ATP10A: variants seen among roughly 807,000 people sequenced by gnomAD.
ATP10A encodes phospholipid-transporting ATPase VA.
In ATP10A, 111 loss-of-function variants were observed where a neutral mutation model predicts 147.8. That is an observed-to-expected ratio of 0.75 (90% CI 0.64 to 0.88). The LOEUF is 0.88. ATP10A is among the 40% of genes least tolerant of loss of function. ATP10A has a pLI of 0.00. For synonymous variants in ATP10A, 875 were observed against 841.6 expected, an observed-to-expected ratio of 1.04 and a Z score of -0.69; for missense variants, 1,927 against 1,959.0, an observed-to-expected ratio of 0.98 and a Z score of 0.31.
At chr15:25,690,816 A>T (rs549432380) in intron 15 of ATP10A, among the ~76,000 whole-genome samples, 26 of 152,320 alleles carry the variant, frequency 1.7e-4, no homozygotes, top group Middle Eastern at 3.4e-3. Context: ...AATTTTCTGG[A>T]GGAAGAAAAA....
intron 1 of ATP10A, among the ~76,000 whole-genome samples, chr15:25,791,742 G>A (rs548807969): frequency 3.0e-4 from 46 of 152,226 alleles, no homozygotes; most frequent in Admixed American, 7.2e-4. Context: ...AAACCTGTGA[G>A]AGCATTCATA....
intron 1 of ATP10A, among the ~76,000 whole-genome samples, chr15:25,785,649 C>T (rs1890124139): frequency 6.6e-6 from 1 of 152,192 alleles, no homozygotes; most frequent in South Asian, 2.1e-4. Flanking sequence ...GTTCTACATA[C>T]CCCCAAGACA....
At chr15:25,772,319 T>C (rs959051380) in intron 2 of ATP10A, among the ~76,000 whole-genome samples, 1 of 152,060 alleles carries the variant, frequency 6.6e-6, no homozygotes, top group Non-Finnish European at 1.5e-5. Context: ...CCCTGACGTC[T>C]CTGATGCTTG....
At chr15:25,833,596 G>A (rs1024539345) in intron 1 of ATP10A, among the ~76,000 whole-genome samples, 2 of 152,120 alleles carry the variant, frequency 1.3e-5, no homozygotes, top group South Asian at 2.1e-4. Flanking sequence ...ATTAACATGC[G>A]CCGGGCAGTA....
intron 1 of ATP10A, among the ~76,000 whole-genome samples, chr15:25,845,425 A>G (rs1002885211): frequency 6.6e-6 from 1 of 152,058 alleles, no homozygotes; most frequent in Admixed American, 6.5e-5. Flanking sequence ...ATACACACTG[A>G]GCCTCCCCGG....
chr15:25,765,909 G>C (rs962525560), intron 2 of ATP10A, among the ~76,000 whole-genome samples: 1 of 152,186 alleles, frequency 6.6e-6, no homozygotes, highest in African/African-American at 2.4e-5. Flanking sequence ...CAGTGCAAAG[G>C]ACAGGCCAGA....
intron 2 of ATP10A, among the ~76,000 whole-genome samples, chr15:25,758,903 C>T (rs1028575347): frequency 1.3e-5 from 2 of 152,052 alleles, no homozygotes; most frequent in East Asian, 3.9e-4. Context: ...ATTCTGATCA[C>T]CTGCTCCACC....
At chr15:25,708,875 T>G (rs1311805584) in intron 10 of ATP10A, 1 of 154,176 alleles carries the variant, frequency 6.5e-6, no homozygotes, top group Non-Finnish European at 1.4e-5. Flanking sequence ...AAAAAGGATT[T>G]GTTTGTCTGA....
chr15:25,844,018 G>C (rs1892918402), intron 1 of ATP10A, among the ~76,000 whole-genome samples: 1 of 152,130 alleles, frequency 6.6e-6, no homozygotes, highest in Non-Finnish European at 1.5e-5. Context: ...GGATACCTGT[G>C]TTCAAGACAA....
intron 2 of ATP10A, among the ~76,000 whole-genome samples, chr15:25,762,410 G>A (rs1888808213): frequency 6.6e-6 from 1 of 151,942 alleles, no homozygotes; most frequent in South Asian, 2.1e-4. Flanking sequence ...CCGAGTAGGT[G>A]GGACTACAGG....
intron 2 of ATP10A, among the ~76,000 whole-genome samples, chr15:25,757,592 T>C (rs2140611436): frequency 6.6e-6 from 1 of 152,238 alleles, no homozygotes; most frequent in East Asian, 1.9e-4. Flanking sequence ...GAGCAGTAAA[T>C]AGGAGAGATG....
intron 2 of ATP10A, among the ~76,000 whole-genome samples, chr15:25,773,047 G>A (rs1889418768): frequency 6.6e-6 from 1 of 152,164 alleles, no homozygotes; most frequent in African/African-American, 2.4e-5. Flanking sequence ...ATGTCAGGAA[G>A]CCCAGTTTCA....
At chr15:25,813,018 C>T (rs28432183) in intron 1 of ATP10A, among the ~76,000 whole-genome samples, 22,906 of 152,170 alleles carry the variant, frequency 0.15, 2,067 homozygotes, top group African/African-American at 0.26. Context: ...AGCCTGCAGG[C>T]GCCCTGAATG....
intron 1 of ATP10A, among the ~76,000 whole-genome samples, chr15:25,821,585 G>A (rs1419394780): frequency 6.6e-6 from 1 of 152,064 alleles, no homozygotes; most frequent in Non-Finnish European, 1.5e-5. Flanking sequence ...TTTCAACTGT[G>A]GCATCCAATT....
chr15:25,747,172 C>T (rs1596808041), intron 2 of ATP10A, among the ~76,000 whole-genome samples: 1 of 151,688 alleles, frequency 6.6e-6, no homozygotes, highest in South Asian at 2.1e-4. Context: ...CCTGTAATCC[C>T]AGCTACTCAA....
At chr15:25,708,721 G>C (rs1202439339) in intron 10 of ATP10A, 1 of 170,176 alleles carries the variant, frequency 5.9e-6, no homozygotes, top group Non-Finnish European at 1.3e-5. Context: ...CTATTAAATG[G>C]AGGCTCACGT....
intron 1 of ATP10A, among the ~76,000 whole-genome samples, 198 bp from the exon 2 acceptor site, chr15:25,781,421 C>G (rs1007804099): frequency 2.0e-5 from 3 of 152,036 alleles, no homozygotes; most frequent in African/African-American, 7.2e-5. Context: ...CTTTGAGAGA[C>G]CGAGGCGGGC....
intron 1 of ATP10A, among the ~76,000 whole-genome samples, chr15:25,835,960 C>T (rs1892575026): frequency 6.6e-6 from 1 of 152,184 alleles, no homozygotes; most frequent in Non-Finnish European, 1.5e-5. Context: ...ACCACAGGTG[C>T]CTGCCACCAC....
At chr15:25,799,781 C>T (rs1890851209) in intron 1 of ATP10A, among the ~76,000 whole-genome samples, 1 of 152,130 alleles carries the variant, frequency 6.6e-6, no homozygotes, top group African/African-American at 2.4e-5. Flanking sequence ...GTACATATAG[C>T]TTCAGGGCAT....
Sources: gnomAD v4.1 joint callset for allele counts (sites outside exome capture counted in the v4.1 genomes callset) on GRCh38, gnomAD v4.1.1 for gene constraint, MANE v1.5 for transcripts, NCBI Gene and HGNC (gene_info 2026-07-23, HGNC 2026-07-21) for gene names.